Variants in THSD4 observed in about 807,000 individuals in gnomAD.
THSD4 encodes the protein thrombospondin type 1 domain containing 4.
A neutral mutation model predicts 119.0 loss-of-function variants in THSD4; 69 were observed. That is an observed-to-expected ratio of 0.58 (90% confidence interval 0.48 to 0.71). The LOEUF (loss-of-function observed/expected upper bound fraction) is 0.71. Among genes scored for constraint, THSD4 ranks in the 30% least tolerant of loss-of-function variants. The pLI, the probability that THSD4 is intolerant of heterozygous loss-of-function variation, is 0.00. For missense variants in THSD4, 1,393 were observed against 1,391.1 expected (o/e 1.00, Z -0.02); for synonymous variants, 524 against 540.4 (o/e 0.97, Z 0.42).
At chr15:71,462,522 C>A (rs1429380209) in intron 7 of THSD4, among the ~76,000 whole-genome samples, 2 of 152,218 alleles carry the variant, frequency 1.3e-5, no homozygotes, top group African/African-American at 4.8e-5. Context: ...GATCATCCCA[C>A]TTCTACTTTA....
At chr15:71,350,141 TAA>T (rs3086680) in intron 6 of THSD4, among the ~76,000 whole-genome samples, 24,668 of 110,952 alleles carry the variant, frequency 0.22, 2,693 homozygotes, top group East Asian at 0.52. Context: ...TGCAAATTAC[TAA>T]AAAAAAAAAA....
At chr15:71,138,480 G>A (rs918532645) in intron 1 of THSD4, among the ~76,000 whole-genome samples, 3 of 152,148 alleles carry the variant, frequency 2.0e-5, no homozygotes, top group Non-Finnish European at 2.9e-5. Context: ...AAATCTGGAG[G>A]GAGTTGTCTT....
chr15:71,283,062 C>T (rs530578916), intron 6 of THSD4, among the ~76,000 whole-genome samples: 2 of 151,430 alleles, frequency 1.3e-5, no homozygotes, highest in African/African-American at 2.4e-5. Context: ...CTCCACCTCC[C>T]GGGTTCAAAC....
At chr15:71,512,404 G>A (rs113960037) in intron 7 of THSD4, among the ~76,000 whole-genome samples, 1,602 of 152,244 alleles carry the variant, frequency 0.011, 45 homozygotes, top group Admixed American at 0.061. Flanking sequence ...GCCCGGCAGC[G>A]TTTTCCTGTG....
At chr15:71,613,342 C>T (rs2050264078) in intron 7 of THSD4, among the ~76,000 whole-genome samples, 1 of 152,176 alleles carries the variant, frequency 6.6e-6, no homozygotes, top group Non-Finnish European at 1.5e-5. Context: ...ATTTCCCAAA[C>T]TTGTCCCTGG....
At chr15:71,493,969 G>A (rs567889859) in intron 7 of THSD4, among the ~76,000 whole-genome samples, 6 of 152,180 alleles carry the variant, frequency 3.9e-5, no homozygotes, top group African/African-American at 7.2e-5. Flanking sequence ...ACTAATGAGC[G>A]CATGGTTGTC....
At chr15:71,130,406 C>T (rs750933092) in intron 1 of THSD4, among the ~76,000 whole-genome samples, 4 of 152,088 alleles carry the variant, frequency 2.6e-5, no homozygotes, top group Non-Finnish European at 5.9e-5. Context: ...AGGCTGCTCT[C>T]GAACTCCTGA....
At chr15:71,665,345 TTG>T (rs1290476111) in intron 8 of THSD4, among the ~76,000 whole-genome samples, 4 of 16,310 alleles carry the variant, frequency 2.5e-4, no homozygotes, top group East Asian at 0.071. Flanking sequence ...TTTAATGGGG[TTG>T]TTTTTTTTTC....
rs527717151 is a variant in THSD4, at chr15:71,358,479, G to A, written c.1016-53208G>A. On this transcript the variant is annotated intron_variant, in intron 6 of 17. Transcript: ENST00000261862. ...GATAGGACTGACCTGTCCTCATAGTGTGACAGACAGGAACAAGTGTGGGGC... is the reference window on the plus strand; with the variant it reads ...GATAGGACTGACCTGTCCTCATAGTATGACAGACAGGAACAAGTGTGGGGC... Among the ~76,000 whole-genome samples the A allele has an allele frequency of 2.9e-4, 44 of 152,340 alleles. 2 individuals carry two copies. In the South Asian group the frequency reaches 9.1e-3, roughly 32 times the overall value.
At chr15:71,411,553 T>A in intron 6 of THSD4, 134 bp from the exon 7 acceptor site, 1 of 973,570 alleles carries the variant, frequency 1.0e-6, no homozygotes, top group South Asian at 1.7e-5. Context: ...GTATAGTTGG[T>A]TAAAATGCTT....
intron 5 of THSD4, among the ~76,000 whole-genome samples, chr15:71,248,032 A>G (rs765187371): frequency 6.6e-6 from 1 of 152,172 alleles, no homozygotes; most frequent in Non-Finnish European, 1.5e-5. Context: ...CAGCACTGTG[A>G]GAGGCCCTGG....
chr15:71,517,289 C>T (rs185734800), intron 7 of THSD4, among the ~76,000 whole-genome samples: 16 of 152,256 alleles, frequency 1.1e-4, no homozygotes, highest in East Asian at 1.9e-4. Flanking sequence ...CTTCCATCCC[C>T]GCCACTCCCA....
rs2043923394 is a variant in THSD4, at chr15:71,215,315, C to T, written c.380C>T (p.Thr127Met). 6.5e-6 allele frequency: 10 copies of T among 1,529,018 alleles called. No homozygotes were observed. In the East Asian group the frequency reaches 2.5e-4, roughly 38 times the overall value. 94.7% of individuals were successfully genotyped at this position (1,529,018 alleles called of 1,614,324 possible). A position where few individuals can be genotyped will look rare whatever the true frequency, so the allele number is the denominator to read the frequency against. Residue 127 changes from threonine (T) to methionine (M), a missense_variant, in exon 4 of 18, where the codon ACG becomes ATG. Thr to Met is a moderately conservative substitution (Grantham distance 81). Coordinates refer to ENST00000261862, the MANE Select transcript of THSD4 (RefSeq NM_024817.3). The part of the protein sequence containing the change: ...SRDETPALAG[T>M]DASRQGPTVL... Reference sequence around the variant, plus strand: ...GACGAGACGCCAGCGCTGGCCGGTACGGACGCCAGCCGCCAGGGCCCCACG... The same window carrying T: ...GACGAGACGCCAGCGCTGGCCGGTATGGACGCCAGCCGCCAGGGCCCCACG...
chr15:71,449,618 A>T (rs1207305217), intron 7 of THSD4, among the ~76,000 whole-genome samples: 1 of 151,660 alleles, frequency 6.6e-6, no homozygotes, highest in Admixed American at 6.6e-5. Context: ...TAATCTAAAG[A>T]CATGAAAGTC....
chr15:71,509,057 A>G (rs952965408), intron 7 of THSD4, among the ~76,000 whole-genome samples: 1 of 152,008 alleles, frequency 6.6e-6, no homozygotes, highest in Non-Finnish European at 1.5e-5. Context: ...TATTGGAAGC[A>G]GTCCTCCATG....
chr15:71,425,942 A>G (rs574264216), intron 7 of THSD4, among the ~76,000 whole-genome samples: 2 of 152,236 alleles, frequency 1.3e-5, no homozygotes, highest in African/African-American at 4.8e-5. Flanking sequence ...TGTCAGCCTC[A>G]TCTTGTTTTT....
intron 6 of THSD4, among the ~76,000 whole-genome samples, chr15:71,308,048 G>A (rs1400007119): frequency 4.6e-5 from 7 of 152,266 alleles, no homozygotes; most frequent in East Asian, 1.9e-4. Context: ...TGCAGCACCT[G>A]TGTGACTGAC....
At chr15:71,357,590 C>T (rs1241830000) in intron 6 of THSD4, among the ~76,000 whole-genome samples, 1 of 152,184 alleles carries the variant, frequency 6.6e-6, no homozygotes, top group East Asian at 1.9e-4. Flanking sequence ...TCCCTTTCCC[C>T]TCCTGGCTCT....
At chr15:71,655,811 C>T (rs987539768) in intron 7 of THSD4, among the ~76,000 whole-genome samples, 11 of 152,196 alleles carry the variant, frequency 7.2e-5, no homozygotes, top group Non-Finnish European at 1.0e-4. Flanking sequence ...TCCCTATCAG[C>T]GACCAATTGA....
Sources: allele counts gnomAD v4.1 joint callset (sites outside exome capture counted in the v4.1 genomes callset), GRCh38; gene constraint gnomAD v4.1.1; transcripts MANE v1.5; gene names NCBI Gene and HGNC (gene_info 2026-07-23, HGNC 2026-07-21).